The following SH2D4B variants were observed in gnomAD, a reference collection of about 807,000 sequenced individuals.
The protein encoded by SH2D4B is SH2 domain-containing protein 4B.
A neutral mutation model predicts 61.5 loss-of-function variants in SH2D4B; 45 were observed. The observed-to-expected ratio is 0.73, with a 90% CI of 0.58 to 0.94. SH2D4B has a LOEUF of 0.94. Among genes scored for constraint, SH2D4B ranks in the 40% least tolerant of loss-of-function variants. The pLI, the probability that SH2D4B is intolerant of heterozygous loss-of-function variation, is 0.00. For synonymous variants in SH2D4B, 224 were observed against 220.4 expected, an observed-to-expected ratio of 1.02 and a Z score of -0.14; for missense variants, 572 against 574.2, an observed-to-expected ratio of 1.00 and a Z score of 0.04.
intron 1 of SH2D4B, among the ~76,000 whole-genome samples, chr10:80,552,421 T>C (rs1554875229): frequency 1.3e-5 from 2 of 152,214 alleles, no homozygotes; most frequent in Non-Finnish European, 2.9e-5. Flanking sequence ...TGAGCTGCCC[T>C]AGCTTCCTGT....
At chr10:80,585,353 C>T (rs375261144) in intron 3 of SH2D4B, among the ~76,000 whole-genome samples, 3 of 148,124 alleles carry the variant, frequency 2.0e-5, no homozygotes, top group South Asian at 2.1e-4. Flanking sequence ...GATGGAGAGT[C>T]GCCCAGTCTA....
intron 2 of SH2D4B, 68 bp from the exon 3 acceptor site, chr10:80,571,363 C>G (rs2132118482): frequency 1.3e-6 from 2 of 1,516,948 alleles, no homozygotes; most frequent in Non-Finnish European, 1.8e-6. Context: ...GTTTTTATTT[C>G]AAGTTCTATT....
At position 80,637,745 on chromosome 10, in the gene SH2D4B, A is replaced by T. The variant is rs147411893; in HGVS notation, c.1209+3240A>T. ...GTCATCTGCAAACAGGAACAATTTG[A>T]CTTCCTCTTTTCCTAATTGAATACC... On this transcript the variant is annotated intron_variant, in intron 7 of 7. Transcript: ENST00000646907. 3.0e-3 allele frequency among the ~76,000 whole-genome samples: 463 copies of T among 152,288 alleles called. 4 individuals are homozygous for T. Among genetic ancestry groups the T allele is most frequent in the African/African-American group, 0.011 (437 of 41,556 alleles).
At chr10:80,601,598 G>T (rs1043418898) in intron 4 of SH2D4B, among the ~76,000 whole-genome samples, 1 of 152,170 alleles carries the variant, frequency 6.6e-6, no homozygotes, top group Non-Finnish European at 1.5e-5. Context: ...CTGCCCTCGT[G>T]GAGTTCACAG....
At position 80,538,495 on chromosome 10, in the gene SH2D4B, G is replaced by T; in HGVS notation, c.164G>T (p.Arg55Met). The change falls in exon 1 of 8, where the codon AGG becomes ATG. Residue 55 changes from arginine (R) to methionine (M), a missense_variant. Coordinates refer to ENST00000646907, the MANE Select transcript of SH2D4B (RefSeq NM_001388272.1). This position sits in a 1 kb window ranked among gnomAD's most constrained non-coding sequence, Gnocchi z 4.8. ...GCCCTGGCCCAGGACGAGGGTCTCA[G>T]GCCTCCAAAGACCAAGCGAGGTACG... The part of the protein sequence containing the change: ...WEALAQDEGL[R>M]PPKTKRAASD... The T allele has an allele frequency of 7.0e-7, 1 of 1,423,212 alleles. No individual in the cohort carries two copies. Among genetic ancestry groups the T allele is most frequent in the Non-Finnish European group, 9.2e-7 (1 of 1,086,536 alleles). 88.2% of individuals were successfully genotyped at this position (1,423,212 alleles called of 1,614,324 possible).
At chr10:80,554,737 C>T (rs1241059276) in intron 1 of SH2D4B, among the ~76,000 whole-genome samples, 1 of 152,076 alleles carries the variant, frequency 6.6e-6, no homozygotes, top group Non-Finnish European at 1.5e-5. Context: ...TGGCTGGGCG[C>T]GGTGGCTTAC....
At chr10:80,611,789 T>C (rs1195298057) in intron 6 of SH2D4B, among the ~76,000 whole-genome samples, 1 of 151,098 alleles carries the variant, frequency 6.6e-6, no homozygotes, top group African/African-American at 2.5e-5. Context: ...TTTTTGACTT[T>C]TTTTTTTTTT....
At chr10:80,640,039 A>G (rs1412343680) in intron 7 of SH2D4B, among the ~76,000 whole-genome samples, 4 of 152,008 alleles carry the variant, frequency 2.6e-5, no homozygotes, top group African/African-American at 7.3e-5. Flanking sequence ...TTTCTCCTTC[A>G]TTTATGAAGC....
At chr10:80,593,294 G>A (rs1842352588) in intron 4 of SH2D4B, among the ~76,000 whole-genome samples, 1 of 152,088 alleles carries the variant, frequency 6.6e-6, no homozygotes, top group South Asian at 2.1e-4. Context: ...GGAGAATATT[G>A]CTATCTTAAC....
rs1237977809 is a variant in SH2D4B, at chr10:80,644,962, T to C, written c.*877T>C. The C allele has an allele frequency of 6.6e-6, 1 of 152,226 alleles. No homozygotes were observed. The highest frequency in any genetic ancestry group is 2.4e-5 in the African/African-American group (1 of 41,450). The allele number at this position is 152,226 out of a possible 1,614,324, so 9.4% of individuals were successfully genotyped here. ...GTCAACTTAATCTCAGTATGTTGCTTATATTAACAAGAAGACTCACGCAAT... is the reference window on the plus strand; with the variant it reads ...GTCAACTTAATCTCAGTATGTTGCTCATATTAACAAGAAGACTCACGCAAT... On this transcript the variant is annotated 3_prime_UTR_variant, in exon 8 of 8. Transcript: ENST00000646907.
intron 3 of SH2D4B, among the ~76,000 whole-genome samples, chr10:80,585,518 G>A (rs1842234641): frequency 6.6e-6 from 1 of 152,132 alleles, no homozygotes; most frequent in South Asian, 2.1e-4. Flanking sequence ...GTTTCACCAT[G>A]TTGGCCAGCT....
Position 80,571,583 on chromosome 10 carries a change from G to A in SH2D4B, c.495+5G>A, listed in dbSNP as rs778783340. Reference sequence around the variant, plus strand: ...CGCATCCACGAGGAATTCAAGGTGGGCCAGCGCATGGGGCCCCTGCGTGCG... The same window carrying A: ...CGCATCCACGAGGAATTCAAGGTGGACCAGCGCATGGGGCCCCTGCGTGCG... On this transcript the variant is annotated splice_donor_5th_base_variant and intron_variant, in intron 3 of 7. Transcript: ENST00000646907. The A allele has an allele frequency of 1.2e-6, 2 of 1,613,134 alleles. No homozygotes were observed. Among genetic ancestry groups the A allele is most frequent in the Non-Finnish European group, 1.7e-6 (2 of 1,179,830 alleles).
intron 1 of SH2D4B, among the ~76,000 whole-genome samples, chr10:80,566,760 G>A (rs923318799): frequency 3.9e-5 from 6 of 151,916 alleles, no homozygotes; most frequent in African/African-American, 1.2e-4. Context: ...CCCATTTTTT[G>A]CTGCTTTATC....
At chr10:80,589,764 G>GA (rs1423765194) in intron 4 of SH2D4B, among the ~76,000 whole-genome samples, 4 of 152,174 alleles carry the variant, frequency 2.6e-5, no homozygotes, top group African/African-American at 7.2e-5. Flanking sequence ...GGTGACACAG[G>GA]AATAAGCAAG....
intron 7 of SH2D4B, among the ~76,000 whole-genome samples, chr10:80,641,595 G>T (rs115523779): frequency 1.3e-5 from 2 of 152,258 alleles, no homozygotes; most frequent in Non-Finnish European, 2.9e-5. Flanking sequence ...GCCTCAGGCT[G>T]TTTGCCTCTA....
chr10:80,636,710 G>C lies in SH2D4B; in HGVS notation c.1209+2205G>C, dbSNP rs376164749. Among the ~76,000 whole-genome samples, 36 of 152,260 alleles carry C rather than the reference G, an allele frequency of 2.4e-4. No homozygotes were observed. In the East Asian group the frequency reaches 4.3e-3, roughly 18 times the overall value. On this transcript the variant is annotated intron_variant, in intron 7 of 7. Transcript: ENST00000646907. Reference sequence around the variant, plus strand: ...GATTCTGGATATTAGCCCTTTGTCAGATGGGTAGATTGCAAAAATTTTCTC... The same window carrying C: ...GATTCTGGATATTAGCCCTTTGTCACATGGGTAGATTGCAAAAATTTTCTC...
intron 3 of SH2D4B, among the ~76,000 whole-genome samples, chr10:80,578,022 G>C (rs1267478092): frequency 2.0e-5 from 3 of 151,626 alleles, no homozygotes; most frequent in Non-Finnish European, 4.4e-5. Context: ...CCAGGCCAGA[G>C]TGCAGTGGCA....
chr10:80,595,747 C>T (rs11186212), intron 4 of SH2D4B, among the ~76,000 whole-genome samples: 18,196 of 152,216 alleles, frequency 0.12, 1,232 homozygotes, highest in East Asian at 0.25. Context: ...GTCCTCTCCT[C>T]CTGGAGTACC....
At chr10:80,577,134 C>T (rs1842135078) in intron 3 of SH2D4B, among the ~76,000 whole-genome samples, 1 of 152,254 alleles carries the variant, frequency 6.6e-6, no homozygotes, top group Non-Finnish European at 1.5e-5. Flanking sequence ...TTGCGATGCT[C>T]ATTTTTGGAA....
Sources: allele counts gnomAD v4.1 joint callset (sites outside exome capture counted in the v4.1 genomes callset), GRCh38; gene constraint gnomAD v4.1.1; non-coding constraint Gnocchi (gnomAD v3.1); transcripts MANE v1.5; gene names NCBI Gene and HGNC (gene_info 2026-07-23, HGNC 2026-07-21).